The following PDE1C variants were observed in gnomAD, a reference collection of about 807,000 sequenced individuals.
PDE1C encodes dual specificity calcium/calmodulin-dependent 3',5'-cyclic nucleotide phosphodiesterase 1C.
Under a neutral mutation model 93.1 loss-of-function variants are expected in PDE1C, and 62 were observed. The observed-to-expected ratio is 0.67, with a 90% CI of 0.54 to 0.82. PDE1C has a LOEUF of 0.82. PDE1C is among the 40% of genes least tolerant of loss of function. The pLI, the probability that PDE1C is intolerant of heterozygous loss-of-function variation, is 0.00. For synonymous variants in PDE1C, 325 were observed against 310.1 expected, an observed-to-expected ratio of 1.05 and a Z score of -0.50; for missense variants, 742 against 884.6, an observed-to-expected ratio of 0.84 and a Z score of 2.04.
At chr7:31,900,349 G>C (rs958253397) in intron 2 of PDE1C, among the ~76,000 whole-genome samples, 57 of 150,610 alleles carry the variant, frequency 3.8e-4, no homozygotes, top group African/African-American at 1.3e-3. Flanking sequence ...CATTCTAAAA[G>C]TTACACCTTC....
chr7:31,855,968 TTCTG>T (rs763312159), intron 7 of PDE1C, among the ~76,000 whole-genome samples: 2 of 152,084 alleles, frequency 1.3e-5, no homozygotes, highest in Non-Finnish European at 2.9e-5. Context: ...TTCAATTTAT[TTCTG>T]TCTAAGGATT....
intron 5 of PDE1C, among the ~76,000 whole-genome samples, chr7:31,874,080 G>A (rs933086137): frequency 5.3e-5 from 8 of 152,138 alleles, no homozygotes; most frequent in African/African-American, 1.9e-4. Flanking sequence ...CATTTCATAT[G>A]ACAGAAAAAT....
chr7:31,848,735 T>C (rs1039152142), intron 8 of PDE1C, among the ~76,000 whole-genome samples: 9 of 152,202 alleles, frequency 5.9e-5, no homozygotes, highest in Non-Finnish European at 1.2e-4. Flanking sequence ...TTAGATTATT[T>C]GTTTCTCACC....
intron 1 of PDE1C, among the ~76,000 whole-genome samples, chr7:32,340,879 G>T (rs1448450023): frequency 1.3e-5 from 2 of 152,122 alleles, no homozygotes; most frequent in Admixed American, 1.3e-4. Flanking sequence ...GAGCACAGAG[G>T]ATTTTTAGAA....
At chr7:31,970,165 AG>A (rs1174048402) in intron 2 of PDE1C, among the ~76,000 whole-genome samples, 4 of 152,204 alleles carry the variant, frequency 2.6e-5, no homozygotes, top group African/African-American at 7.2e-5. Flanking sequence ...TTTTTAAAAA[AG>A]AAAAAAGTGT....
At chr7:32,413,967 C>G (rs1562713573) in intron 1 of PDE1C, among the ~76,000 whole-genome samples, 2 of 152,166 alleles carry the variant, frequency 1.3e-5, no homozygotes, top group East Asian at 3.9e-4. Flanking sequence ...AATCCCAGTA[C>G]TTTCAGAGGC....
chr7:32,278,295 G>T lies in PDE1C; in HGVS notation c.85+20356C>A, dbSNP rs75310503. The stretch of plus-strand genomic sequence containing the variant: ...AGTTCTAGTAGAATATAGAGGGAAA[G>T]AACTGGAAATTAAAATGACTCTAGT... On this transcript the variant is annotated intron_variant, in intron 1 of 18. Coordinates refer to the PDE1C transcript ENST00000396193. 1.3e-4 allele frequency among the ~76,000 whole-genome samples: 19 copies of T among 150,260 alleles called. No homozygotes were observed. In the East Asian group the frequency reaches 3.4e-3, roughly 27 times the overall value.
intron 17 of PDE1C, among the ~76,000 whole-genome samples, chr7:31,769,385 C>A (rs1795336754): frequency 6.6e-6 from 1 of 152,152 alleles, no homozygotes; most frequent in Non-Finnish European, 1.5e-5. Context: ...TAGGCAATGT[C>A]ATTCAATGTC....
chr7:32,396,898 T>C (rs1784848752), intron 1 of PDE1C, among the ~76,000 whole-genome samples: 1 of 152,168 alleles, frequency 6.6e-6, no homozygotes, highest in Admixed American at 6.6e-5. Flanking sequence ...GAACATTTTA[T>C]CAAATGACTT....
intron 1 of PDE1C, among the ~76,000 whole-genome samples, chr7:32,263,251 T>G (rs569530511): frequency 1.3e-5 from 2 of 152,318 alleles, no homozygotes; most frequent in South Asian, 4.1e-4. Context: ...ACGATATCCA[T>G]ATACACTTTA....
At chr7:31,846,207 A>G (rs1434574151) in intron 9 of PDE1C, among the ~76,000 whole-genome samples, 2 of 151,016 alleles carry the variant, frequency 1.3e-5, no homozygotes, top group African/African-American at 4.9e-5. Context: ...CTTCTGTTAT[A>G]CATACTTTTA....
chr7:31,853,895 T>A (rs1336948116), intron 7 of PDE1C, among the ~76,000 whole-genome samples: 1 of 138,714 alleles, frequency 7.2e-6, no homozygotes, highest in Non-Finnish European at 1.6e-5. Flanking sequence ...TTTTTTTTTT[T>A]TTGTATTTTT....
chr7:31,624,325 GC>G, the PDE1C span, among the ~76,000 whole-genome samples: 1 of 146,766 alleles, frequency 6.8e-6, no homozygotes, highest in Non-Finnish European at 1.5e-5. Context: ...GCAATCCTAA[GC>G]CAAAAGAACA....
intron 2 of PDE1C, among the ~76,000 whole-genome samples, chr7:32,005,883 T>G (rs1786182859): frequency 6.6e-6 from 1 of 152,214 alleles, no homozygotes; most frequent in Non-Finnish European, 1.5e-5. Flanking sequence ...ACCTTTTTTT[T>G]CTGCACGTAC....
chr7:31,623,223 A>G, the PDE1C span, among the ~76,000 whole-genome samples: 3 of 152,158 alleles, frequency 2.0e-5, no homozygotes, highest in Non-Finnish European at 4.4e-5. Flanking sequence ...CAATCAATAG[A>G]AAAAGAGGGA....
intron 2 of PDE1C, among the ~76,000 whole-genome samples, chr7:31,937,376 G>A (rs747563646): frequency 2.6e-5 from 4 of 152,152 alleles, no homozygotes; most frequent in South Asian, 2.1e-4. Context: ...AGTCAGGTTG[G>A]AATTTGGTAT....
chr7:31,623,029 A>G, the PDE1C span, among the ~76,000 whole-genome samples: 3 of 152,198 alleles, frequency 2.0e-5, no homozygotes, highest in Non-Finnish European at 4.4e-5. Context: ...TCCTCAACAC[A>G]TACACCCTCC....
intron 16 of PDE1C, among the ~76,000 whole-genome samples, chr7:31,779,948 G>A (rs1783281188): frequency 6.6e-6 from 1 of 152,144 alleles, no homozygotes; most frequent in African/African-American, 2.4e-5. Context: ...AGCCAGTCCT[G>A]ACCCAGCTTC....
chr7:32,038,416 T>G (rs1791391078), intron 2 of PDE1C, among the ~76,000 whole-genome samples: 1 of 152,088 alleles, frequency 6.6e-6, no homozygotes. Context: ...GCCATTAATT[T>G]TTATTGGGAG....
Sources: gnomAD v4.1 joint callset for allele counts (sites outside exome capture counted in the v4.1 genomes callset) on GRCh38, gnomAD v4.1.1 for gene constraint, MANE v1.5 for transcripts, NCBI Gene and HGNC (gene_info 2026-07-23, HGNC 2026-07-21) for gene names.